Variants in CACNB2 observed in about 807,000 individuals in gnomAD.
The protein encoded by CACNB2 is voltage-dependent L-type calcium channel subunit beta-2.
A neutral mutation model predicts 73.3 loss-of-function variants in CACNB2; 42 were observed. The ratio of observed to expected loss-of-function variants is 0.57; its 90% CI spans 0.45 to 0.74. CACNB2 has a LOEUF of 0.74. Among genes scored for constraint, CACNB2 ranks in the 30% least tolerant of loss-of-function variants. CACNB2 has a pLI of 0.00. For synonymous variants in CACNB2, 348 were observed against 310.3 expected, an observed-to-expected ratio of 1.12 and a Z score of -1.28; for missense variants, 940 against 853.0, an observed-to-expected ratio of 1.10 and a Z score of -1.27.
intron 9 of CACNB2, among the ~76,000 whole-genome samples, chr10:18,520,584 A>T (rs898801073): frequency 6.6e-6 from 1 of 152,076 alleles, no homozygotes; most frequent in Non-Finnish European, 1.5e-5. Context: ...CCATCCAGTG[A>T]CTTCTTTTTT....
chr10:18,401,463 G>T (rs2043992474), intron 2 of CACNB2, among the ~76,000 whole-genome samples: 1 of 152,186 alleles, frequency 6.6e-6, no homozygotes, highest in South Asian at 2.1e-4. Context: ...ATTAAAGTGG[G>T]AATCATGTCA....
At chr10:18,493,626 T>C (rs906165452) in intron 3 of CACNB2, among the ~76,000 whole-genome samples, 1 of 152,188 alleles carries the variant, frequency 6.6e-6, no homozygotes, top group African/African-American at 2.4e-5. Context: ...ATGGCGCTCT[T>C]ACCCTTGTTT....
intron 3 of CACNB2, among the ~76,000 whole-genome samples, chr10:18,494,842 C>G (rs528757096): frequency 6.6e-6 from 1 of 151,948 alleles, no homozygotes; most frequent in African/African-American, 2.4e-5. Flanking sequence ...GGGAGGATTA[C>G]TTGAGGCCAG....
chr10:18,185,270 T>C (rs540085223), intron 2 of CACNB2, among the ~76,000 whole-genome samples: 46 of 152,346 alleles, frequency 3.0e-4, no homozygotes, highest in Non-Finnish European at 4.6e-4. Context: ...TTTTAAAGTA[T>C]ACAGCAAACA....
chr10:18,209,157 C>A lies in CACNB2; in HGVS notation c.213+58182C>A, dbSNP rs944930823. 2.6e-5 allele frequency among the ~76,000 whole-genome samples: 4 copies of A among 152,162 alleles called. No homozygotes were observed. The East Asian group carries it at 7.7e-4, about 29-fold the overall frequency. On this transcript the variant is annotated intron_variant, in intron 2 of 13. Coordinates refer to ENST00000324631, the MANE Select transcript of CACNB2 (RefSeq NM_201596.3). ...ATGTAAATGTTATGTCTTATTAATGCATCCAGGAAATCTGCCTTAAAAATT... is the reference window on the plus strand; with the variant it reads ...ATGTAAATGTTATGTCTTATTAATGAATCCAGGAAATCTGCCTTAAAAATT...
intron 2 of CACNB2, among the ~76,000 whole-genome samples, chr10:18,381,599 A>G (rs111542606): frequency 6.6e-6 from 1 of 151,518 alleles, no homozygotes; most frequent in African/African-American, 2.4e-5. Flanking sequence ...GAGGCAGGAG[A>G]ATTGCTTGAA....
intron 2 of CACNB2, among the ~76,000 whole-genome samples, chr10:18,349,020 C>A (rs2041593825): frequency 6.6e-6 from 1 of 152,116 alleles, no homozygotes; most frequent in Non-Finnish European, 1.5e-5. Flanking sequence ...CCTTGGGAGG[C>A]TGAGGTGAGA....
At chr10:18,507,599 G>C (rs1013086682) in intron 6 of CACNB2, among the ~76,000 whole-genome samples, 1 of 152,088 alleles carries the variant, frequency 6.6e-6, no homozygotes, top group African/African-American at 2.4e-5. Flanking sequence ...GTAGAACATG[G>C]AATTCTATAT....
intron 2 of CACNB2, among the ~76,000 whole-genome samples, chr10:18,259,570 A>AAAAACAAAAC (rs2037439663): frequency 2.6e-5 from 3 of 116,956 alleles, no homozygotes; most frequent in African/African-American, 1.0e-4. Flanking sequence ...CAAACAAAAA[A>AAAAACAAAAC]AAAAAGTAAA....
chr10:18,415,637 A>C (rs770723557), intron 3 of CACNB2, among the ~76,000 whole-genome samples: 40 of 152,164 alleles, frequency 2.6e-4, no homozygotes, highest in Admixed American at 2.4e-3. Flanking sequence ...GCCTACGTTA[A>C]CCAGCAATGT....
intron 3 of CACNB2, among the ~76,000 whole-genome samples, chr10:18,408,846 C>T (rs2044446685): frequency 1.3e-5 from 2 of 151,960 alleles, no homozygotes; most frequent in African/African-American, 2.4e-5. Flanking sequence ...TAGTTTTCTT[C>T]AGGTTTGTTT....
At position 18,496,677 on chromosome 10, in the gene CACNB2, G is replaced by T. The variant is rs145405089; in HGVS notation, c.334-1678G>T. 2.0e-3 allele frequency among the ~76,000 whole-genome samples: 302 copies of T among 151,892 alleles called. 4 individuals carry two copies. Among genetic ancestry groups the T allele is most frequent in the African/African-American group, 6.7e-3 (279 of 41,422 alleles). ...AAAATACAAAAAATTAGCTGGGCGTGGTGGCGGGTGCCTGTAATCCCAGCA... is the reference window on the plus strand; with the variant it reads ...AAAATACAAAAAATTAGCTGGGCGTTGTGGCGGGTGCCTGTAATCCCAGCA... On this transcript the variant is annotated intron_variant, in intron 3 of 13. Transcript: ENST00000324631.
At chr10:18,357,745 A>C (rs960312732) in intron 2 of CACNB2, among the ~76,000 whole-genome samples, 1 of 152,216 alleles carries the variant, frequency 6.6e-6, no homozygotes, top group African/African-American at 2.4e-5. Flanking sequence ...GAGGAGGTGC[A>C]CATCCATCTT....
chr10:18,235,945 G>T (rs1037520639), intron 2 of CACNB2, among the ~76,000 whole-genome samples: 68 of 152,082 alleles, frequency 4.5e-4, no homozygotes, highest in African/African-American at 1.6e-3. Flanking sequence ...ACAAGACCTG[G>T]TTGTTTAAAA....
At chr10:18,481,193 T>C (rs564368046) in intron 3 of CACNB2, among the ~76,000 whole-genome samples, 17 of 5,036 alleles carry the variant, frequency 3.4e-3, no homozygotes, top group East Asian at 0.026. Context: ...ACATCTTCGC[T>C]ATATATATAT....
At chr10:18,477,300 T>G (rs2048490236) in intron 3 of CACNB2, among the ~76,000 whole-genome samples, 2 of 152,214 alleles carry the variant, frequency 1.3e-5, no homozygotes, top group Non-Finnish European at 2.9e-5. Flanking sequence ...GCTTCTTTAC[T>G]GCATCTTGTT....
Position 18,430,473 on chromosome 10 carries a change from T to A in CACNB2, c.333+28430T>A, listed in dbSNP as rs185974485. ...GACCCTGTCTCTTAAAAAAAAAAAA[T>A]TAATTAATTAACTGGGTGTGGTGGT... On this transcript the variant is annotated intron_variant, in intron 3 of 13. Transcript: ENST00000324631. Among the ~76,000 whole-genome samples, 428 of 151,796 alleles carry A rather than the reference T, an allele frequency of 2.8e-3. 1 individual carries two copies. Among genetic ancestry groups the A allele is most frequent in the African/African-American group, 9.4e-3 (391 of 41,402 alleles).
At chr10:18,508,559 A>C (rs898874540) in intron 6 of CACNB2, among the ~76,000 whole-genome samples, 1 of 152,210 alleles carries the variant, frequency 6.6e-6, no homozygotes, top group Non-Finnish European at 1.5e-5. Context: ...TCTGCCTGCA[A>C]ATGTCAGCCT....
intron 2 of CACNB2, among the ~76,000 whole-genome samples, chr10:18,253,044 C>G (rs2037149403): frequency 6.6e-6 from 1 of 152,194 alleles, no homozygotes; most frequent in Non-Finnish European, 1.5e-5. Context: ...GATAGAAGTT[C>G]TAACTCTGCC....
Sources: allele counts gnomAD v4.1 joint callset (sites outside exome capture counted in the v4.1 genomes callset), GRCh38; gene constraint gnomAD v4.1.1; transcripts MANE v1.5; gene names NCBI Gene and HGNC (gene_info 2026-07-23, HGNC 2026-07-21).